ALKBH6: variants seen among roughly 807,000 people sequenced by gnomAD.
ALKBH6 encodes probable RNA/DNA demethylase ALKBH6.
Under a neutral mutation model 25.1 loss-of-function variants are expected in ALKBH6, and 20 were observed. That is an observed-to-expected ratio of 0.80 (90% CI 0.56 to 1.16). The LOEUF (loss-of-function observed/expected upper bound fraction) is 1.16, where lower values mean the gene tolerates loss of function less well. Among genes scored for constraint, ALKBH6 ranks in the 50% most tolerant of loss-of-function variants. The pLI, the probability that ALKBH6 is intolerant of heterozygous loss-of-function variation, is 0.00. For missense variants in ALKBH6, 263 were observed against 326.5 expected (o/e 0.81, Z 1.50); for synonymous variants, 156 against 147.5 (o/e 1.06, Z -0.42).
At position 36,010,503 on chromosome 19, in the gene ALKBH6, C is replaced by T. The variant is rs1968569692; in HGVS notation, c.453+64G>A. 7.1e-7 allele frequency: 1 copy of T among 1,398,940 alleles called. No homozygotes were observed. The highest frequency in any genetic ancestry group is 1.2e-5 in the South Asian group (1 of 83,316). The allele number at this position is 1,398,940 out of a possible 1,614,324, so 86.7% of individuals were successfully genotyped here. A position where few individuals can be genotyped will look rare whatever the true frequency, so the allele number is the denominator to read the frequency against. On this transcript the variant is annotated intron_variant, in intron 6 of 6. Transcript: ENST00000378875. This position sits in a 1 kb window ranked among gnomAD's most constrained non-coding sequence, Gnocchi z 5.5. ...ACCCCGAAGGCATGTGGGACCAGGT[C>T]ATCTTGGAGGATGTGCGAGGTTGAA... is the stretch of plus-strand genomic sequence containing the variant.
Position 36,010,460 on chromosome 19 carries a change from TG to T in ALKBH6, c.453+106del. The T allele has an allele frequency of 1.0e-6, 1 of 968,184 alleles. No individual in the cohort carries two copies. Among genetic ancestry groups the T allele is most frequent in the Non-Finnish European group, 1.6e-6 (1 of 621,464 alleles). 60.0% of individuals were successfully genotyped at this position (968,184 alleles called of 1,614,324 possible). A position where few individuals can be genotyped will look rare whatever the true frequency, so the allele number is the denominator to read the frequency against. ...CCATGAGGGGACAAGGGAAGGTATC[TG>T]GGAGAGTGCCAGGAGTACCCCGAAG... is the stretch of plus-strand genomic sequence containing the variant. On this transcript the variant is annotated intron_variant, in intron 6 of 6. Coordinates refer to ENST00000378875, the MANE Select transcript of ALKBH6 (RefSeq NM_032878.5). The surrounding 1 kb of genome is among the most constrained non-coding windows in gnomAD (Gnocchi z 5.5).
chr19:36,012,108 C>G (rs1367724749), intron 3 of ALKBH6: 3 of 152,292 alleles, frequency 2.0e-5, no homozygotes. Context: ...TACAGTGAAC[C>G]GAGATCACGC....
chr19:36,009,682 A>C, intron 6 of ALKBH6, 129 bp from the exon 7 acceptor site: 2 of 637,866 alleles, frequency 3.1e-6, no homozygotes, highest in Non-Finnish European at 4.5e-6. Flanking sequence ...GCTCACAATG[A>C]TGGAGGCTTT....
At chr19:36,009,608 G>GGGC in intron 6 of ALKBH6, 55 bp from the exon 7 acceptor site, 34 of 336,900 alleles carry the variant, frequency 1.0e-4, no homozygotes, top group Non-Finnish European at 1.2e-4. Context: ...GTGGGGGTGG[G>GGGC]CGAGAGGTCG....
chr19:36,010,337 G>T lies in ALKBH6; in HGVS notation c.453+230C>A. 1 of 561,776 alleles carries T rather than the reference G, an allele frequency of 1.8e-6. No individual in the cohort carries two copies. The highest frequency in any genetic ancestry group is 3.2e-6 in the Non-Finnish European group (1 of 311,528). 34.8% of individuals were successfully genotyped at this position (561,776 alleles called of 1,614,324 possible). On this transcript the variant is annotated intron_variant, in intron 6 of 6. Coordinates refer to ENST00000378875, the MANE Select transcript of ALKBH6 (RefSeq NM_032878.5). This position sits in a 1 kb window ranked among gnomAD's most constrained non-coding sequence, Gnocchi z 5.5. ...CTGGGGAGTCAGGGGTATCCATTCA[G>T]CAGGTTGGGGCATCGGGGAGCCTGT...
Position 36,013,678 on chromosome 19 carries a change from C to G in ALKBH6, c.-25-256G>C. 1 of 1,340,044 alleles carries G rather than the reference C, an allele frequency of 7.5e-7. No homozygotes were observed. The highest frequency in any genetic ancestry group is 1.7e-5 in the South Asian group (1 of 60,478). The allele number at this position is 1,340,044 out of a possible 1,614,324, so 83.0% of individuals were successfully genotyped here. ...GCCCATCCAACTACACATATGCCTT[C>G]TCAATCCTCCCACAGAGAACATTCT... On this transcript the variant is annotated intron_variant, in intron 1 of 6. Transcript: ENST00000378875. The surrounding 1 kb of genome is among the most constrained non-coding windows in gnomAD (Gnocchi z 4.6).
chr19:36,014,179 C>A lies in ALKBH6; in HGVS notation c.-30G>T, dbSNP rs1471347142. The A allele has an allele frequency of 6.2e-7, 1 of 1,612,348 alleles. No homozygotes were observed. The highest frequency in any genetic ancestry group is 8.5e-7 in the Non-Finnish European group (1 of 1,179,094). On this transcript the variant is annotated 5_prime_UTR_variant, in exon 1 of 7. The change creates a premature stop within an existing upstream ORF in the 5' untranslated region. Coordinates refer to ENST00000378875, the MANE Select transcript of ALKBH6 (RefSeq NM_032878.5). ...CCAGCACTCCCCAAAACTGACCGTC[C>A]ACCAGCGTCCCCTCCAATTTCCAAA... is the stretch of plus-strand genomic sequence containing the variant.
At position 36,013,542 on chromosome 19, in the gene ALKBH6, C is replaced by A; in HGVS notation, c.-25-120G>T. On this transcript the variant is annotated intron_variant, in intron 1 of 6. Coordinates refer to ENST00000378875, the MANE Select transcript of ALKBH6 (RefSeq NM_032878.5). The surrounding 1 kb of genome is among the most constrained non-coding windows in gnomAD (Gnocchi z 4.6). Reference sequence around the variant, plus strand: ...AGCCCTCTTCTGAAACGCACTTGGTCTCTAAAATCTGAGTCTTCAGCATCT... The same window carrying A: ...AGCCCTCTTCTGAAACGCACTTGGTATCTAAAATCTGAGTCTTCAGCATCT... 6.7e-7 allele frequency: 1 copy of A among 1,486,628 alleles called. No homozygotes were observed. Among genetic ancestry groups the A allele is most frequent in the South Asian group, 1.3e-5 (1 of 74,598 alleles). The allele number at this position is 1,486,628 out of a possible 1,614,324, so 92.1% of individuals were successfully genotyped here. A position where few individuals can be genotyped will look rare whatever the true frequency, so the allele number is the denominator to read the frequency against.
At chr19:36,012,878 T>G in intron 3 of ALKBH6, 143 bp downstream of exon 3, 1 of 793,926 alleles carries the variant, frequency 1.3e-6, no homozygotes, top group Non-Finnish European at 2.2e-6. Flanking sequence ...GCTATCTCAG[T>G]AGAGGGAGTA....
rs760864731 is a variant in ALKBH6, at chr19:36,011,020, C to T, written c.210G>A (p.Met70Ile). 1 of 1,611,670 alleles carries T rather than the reference C, an allele frequency of 6.2e-7. No homozygotes were observed. The highest frequency in any genetic ancestry group is 8.5e-7 in the Non-Finnish European group (1 of 1,178,908). The stretch of plus-strand genomic sequence containing the variant: ...GCCATGGGGGCAGCCGCTCAGGAAC[C>T]ATCCCTCGGGGATGAGGAAGCCCAC... ...NWGGLPHPRG[M>I]VPERLPPWLQ... The change falls in exon 5 of 7, where the codon ATG becomes ATA. Residue 70 changes from methionine to isoleucine, a missense_variant. By Grantham distance (10) the Met-to-Ile change is conservative (BLOSUM62 1). Coordinates refer to ENST00000378875, the MANE Select transcript of ALKBH6 (RefSeq NM_032878.5).
Position 36,009,365 on chromosome 19 carries a change from C to A in ALKBH6, c.642G>T (p.Val214=). 2.3e-6 allele frequency: 3 copies of A among 1,286,098 alleles called. No homozygotes were observed. Among genetic ancestry groups the A allele is most frequent in the Non-Finnish European group, 3.0e-6 (3 of 1,016,828 alleles). 79.7% of individuals were successfully genotyped at this position (1,286,098 alleles called of 1,614,324 possible). The change falls in exon 7 of 7, where the codon GTG becomes GTT. Residue 214 remains valine, a synonymous_variant. Coordinates refer to ENST00000378875, the MANE Select transcript of ALKBH6 (RefSeq NM_032878.5). ...TGGTCAGCGAGACCCGGGTGCCGCG[C>A]ACCAGGCAGGCTCCCGGCCGCGCCG... ...CPSARPGACL[V]RGTRVSLTIR...
At position 36,010,586 on chromosome 19, in the gene ALKBH6, T is replaced by A. The variant is rs1252151429; in HGVS notation, c.434A>T (p.Asp145Val). Reference sequence around the variant, plus strand: ...GCCCACCTGTTCTGTAGGGTCATCGTCCTCTGGCCGCCGCGGCTCGTAGAA... The same window carrying A: ...GCCCACCTGTTCTGTAGGGTCATCGACCTCTGGCCGCCGCGGCTCGTAGAA... Reference protein sequence around the residue: ...LDFYEPRRPEDDDPTEQPRPP... With the variant: ...LDFYEPRRPEVDDPTEQPRPP... Residue 145 changes from aspartate (D) to valine (V), a missense_variant, in exon 6 of 7, where the codon GAC (aspartate) becomes GTC (valine). Physicochemically the swap from Asp to Val is radical, Grantham distance 152. Around this residue, in one of 3 missense-constraint regions of ALKBH6, gnomAD observed 148 missense variants for 157.5 expected, o/e 0.94. Coordinates refer to ENST00000378875, the MANE Select transcript of ALKBH6 (RefSeq NM_032878.5). This position sits in a 1 kb window ranked among gnomAD's most constrained non-coding sequence, Gnocchi z 5.5. 6.2e-7 allele frequency: 1 copy of A among 1,613,802 alleles called. No individual in the cohort carries two copies. Among genetic ancestry groups the A allele is most frequent in the Non-Finnish European group, 8.5e-7 (1 of 1,179,900 alleles).
chr19:36,009,601 G>C (rs1469563373), intron 6 of ALKBH6, 48 bp from the exon 7 acceptor site: 1 of 1,148,846 alleles, frequency 8.7e-7, no homozygotes, highest in African/African-American at 1.6e-5. Context: ...TCGGGGGGTG[G>C]GGGTGGGCGA....
In ALKBH6 at chr19:36,013,526, C is replaced by T. The variant is rs1968680686; in HGVS notation, c.-25-104G>A. On this transcript the variant is annotated intron_variant, in intron 1 of 6. Coordinates refer to ENST00000378875, the MANE Select transcript of ALKBH6 (RefSeq NM_032878.5). This position sits in a 1 kb window ranked among gnomAD's most constrained non-coding sequence, Gnocchi z 4.6. ...GGCCAGGCCTCACCTCAGCCCTCTT[C>T]TGAAACGCACTTGGTCTCTAAAATC... 6.6e-7 allele frequency: 1 copy of T among 1,525,298 alleles called. No individual in the cohort carries two copies. The highest frequency in any genetic ancestry group is 1.3e-5 in the South Asian group (1 of 79,206). The allele number at this position is 1,525,298 out of a possible 1,614,324, so 94.5% of individuals were successfully genotyped here. A position where few individuals can be genotyped will look rare whatever the true frequency, so the allele number is the denominator to read the frequency against.
At chr19:36,011,229 T>C in intron 4 of ALKBH6, 175 bp downstream of exon 4, 1 of 1,126,018 alleles carries the variant, frequency 8.9e-7, no homozygotes, top group South Asian at 1.6e-5. Flanking sequence ...TACTCCCAAC[T>C]CATCAGGAAA....
In ALKBH6 at chr19:36,013,246, G is replaced by C; in HGVS notation, c.54+98C>G. The C allele has an allele frequency of 6.6e-7, 1 of 1,523,644 alleles. No homozygotes were observed. The highest frequency in any genetic ancestry group is 1.1e-5 in the South Asian group (1 of 88,052). The allele number at this position is 1,523,644 out of a possible 1,614,324, so 94.4% of individuals were successfully genotyped here. ...CCAGTGCCATTCCAGAATGGACTCT[G>C]ACAGTAAGAATGAATTTGGTGGAAG... is the stretch of plus-strand genomic sequence containing the variant. On this transcript the variant is annotated intron_variant, in intron 2 of 6. Coordinates refer to ENST00000378875, the MANE Select transcript of ALKBH6 (RefSeq NM_032878.5). The surrounding 1 kb of genome is among the most constrained non-coding windows in gnomAD (Gnocchi z 4.6).
chr19:36,009,775 G>A (rs1314088643), intron 6 of ALKBH6, among the ~76,000 whole-genome samples: 1 of 151,990 alleles, frequency 6.6e-6, no homozygotes, highest in Non-Finnish European at 1.5e-5. Context: ...CCCTCGGGAG[G>A]GGGCAGGATC....
At position 36,013,933 on chromosome 19, in the gene ALKBH6, C is replaced by A; in HGVS notation, c.-26+242G>T. 1 of 1,375,522 alleles carries A rather than the reference C, an allele frequency of 7.3e-7. No homozygotes were observed. Among genetic ancestry groups the A allele is most frequent in the Non-Finnish European group, 9.3e-7 (1 of 1,071,424 alleles). 85.2% of individuals were successfully genotyped at this position (1,375,522 alleles called of 1,614,324 possible). ...CACCCTCAGCCTCCTCGGATCCCCC[C>A]ATTTGGACGCCCCTCGGATTTCCCC... On this transcript the variant is annotated intron_variant, in intron 1 of 6. Transcript: ENST00000378875. The surrounding 1 kb of genome is among the most constrained non-coding windows in gnomAD (Gnocchi z 4.6).
In ALKBH6 at chr19:36,013,406, A is replaced by G. The variant is rs1439107066; in HGVS notation, c.-9T>C. ...GCGTCCTGCTCCTCCATCAACACCA[A>G]CTCCTTGCACCCAATCCTGTAGGGA... On this transcript the variant is annotated 5_prime_UTR_variant, in exon 2 of 7. Transcript: ENST00000378875. The surrounding 1 kb of genome is among the most constrained non-coding windows in gnomAD (Gnocchi z 4.6). 1.2e-6 allele frequency: 2 copies of G among 1,613,170 alleles called. No individual in the cohort carries two copies. The highest frequency in any genetic ancestry group is 1.7e-5 in the Admixed American group (1 of 59,902).
Sources: gnomAD v4.1 joint callset for allele counts (sites outside exome capture counted in the v4.1 genomes callset) on GRCh38, gnomAD v4.1.1 for gene constraint, gnomAD v4.1.1 regional missense constraint, Gnocchi (gnomAD v3.1) non-coding constraint, MANE v1.5 for transcripts, NCBI Gene and HGNC (gene_info 2026-07-23, HGNC 2026-07-21) for gene names.